Variants in NLGN1 observed in about 807,000 individuals in gnomAD.
The protein encoded by NLGN1 is neuroligin 1.
A neutral mutation model predicts 65.5 loss-of-function variants in NLGN1; 12 were observed. The ratio of observed to expected loss-of-function variants is 0.18; its 90% confidence interval spans 0.12 to 0.30. The LOEUF is 0.30. Ranked by LOEUF, NLGN1 falls within the 10% of genes least tolerant of loss-of-function variation. NLGN1 has a pLI of 1.00. For synonymous variants in NLGN1, 350 were observed against 359.5 expected (o/e 0.97, Z 0.30); for missense variants, 750 against 1,007.1 (o/e 0.74, Z 3.46).
rs202194298 is a variant in NLGN1 at position 174,205,366 on chromosome 3, T to TA, written c.647-69948dup. Among the ~76,000 whole-genome samples the TA allele has an allele frequency of 7.2e-3, 1,103 of 152,142 alleles. 14 individuals carry two copies. The highest frequency in any genetic ancestry group is 0.024 in the African/African-American group (992 of 41,560). Reference sequence around the variant, plus strand: ...TGTTTAGATTTGCATTACTCACTCTTACTTCAGCACCTCTTCTACACTTAG... The same window carrying TA: ...TGTTTAGATTTGCATTACTCACTCTTAACTTCAGCACCTCTTCTACACTTAG... On this transcript the variant is annotated intron_variant, in intron 4 of 6. Transcript: ENST00000457714.
chr3:173,525,230 T>TTTG (rs34726754), intron 2 of NLGN1, among the ~76,000 whole-genome samples: 7,139 of 150,302 alleles, frequency 0.047, 513 homozygotes, highest in African/African-American at 0.16. Context: ...GGGTGGGTTT[T>TTTG]TTGTTGTTGT....
intron 4 of NLGN1, among the ~76,000 whole-genome samples, chr3:173,831,895 T>C (rs139085039): frequency 1.7e-4 from 26 of 152,276 alleles, no homozygotes; most frequent in African/African-American, 6.3e-4. Flanking sequence ...ACTTTAGAGA[T>C]TGAGTAAACA....
intron 2 of NLGN1, among the ~76,000 whole-genome samples, chr3:173,458,534 CA>C (rs969965734): frequency 5.9e-5 from 9 of 151,858 alleles, no homozygotes; most frequent in African/African-American, 2.2e-4. Flanking sequence ...CCAAACAAAC[CA>C]AAAATCCTAC....
chr3:173,400,901 A>G (rs1020099085), intron 1 of NLGN1, among the ~76,000 whole-genome samples: 4 of 152,228 alleles, frequency 2.6e-5, no homozygotes, highest in African/African-American at 9.6e-5. Context: ...GGATTAAGCA[A>G]ATAAAGCTTT....
intron 4 of NLGN1, among the ~76,000 whole-genome samples, chr3:173,856,950 C>G (rs915008202): frequency 6.6e-6 from 1 of 151,632 alleles, no homozygotes; most frequent in Non-Finnish European, 1.5e-5. Flanking sequence ...CAACAGTGCC[C>G]TGGCTCCTGG....
intron 4 of NLGN1, among the ~76,000 whole-genome samples, chr3:173,994,688 G>A (rs900683886): frequency 6.6e-6 from 1 of 152,038 alleles, no homozygotes; most frequent in African/African-American, 2.4e-5. Context: ...CTCTCTACTA[G>A]CGTCTAATTT....
At chr3:173,825,673 G>GAT (rs1172352585) in intron 4 of NLGN1, among the ~76,000 whole-genome samples, 1 of 151,996 alleles carries the variant, frequency 6.6e-6, no homozygotes, top group African/African-American at 2.4e-5. Context: ...TTCCACTAAT[G>GAT]AGAATTACAT....
chr3:173,861,139 A>G (rs934284853), intron 4 of NLGN1, among the ~76,000 whole-genome samples: 1 of 152,206 alleles, frequency 6.6e-6, no homozygotes, highest in Non-Finnish European at 1.5e-5. Flanking sequence ...AGACTTTATC[A>G]TATTTCAAAA....
rs1190550377 is a variant in NLGN1, at chr3:173,885,025, G to A, written c.646+77193G>A. ...GCCCACTCTTATGACTTAATCACCT[G>A]CTAAAGTCCCCACCTTTGAATAGTA... On this transcript the variant is annotated intron_variant, in intron 4 of 6. Transcript: ENST00000457714. Among the ~76,000 whole-genome samples, 53 of 152,068 alleles carry A rather than the reference G, an allele frequency of 3.5e-4. 1 individual carries two copies. Among genetic ancestry groups the A allele is most frequent in the Admixed American group, 3.5e-3 (53 of 15,264 alleles).
chr3:174,239,150 C>G (rs1742326071), intron 4 of NLGN1, among the ~76,000 whole-genome samples: 1 of 151,922 alleles, frequency 6.6e-6, no homozygotes, highest in African/African-American at 2.4e-5. Flanking sequence ...CTCACTGCAA[C>G]CTCCGCCTCC....
chr3:173,412,724 C>A (rs1577333774), intron 1 of NLGN1, among the ~76,000 whole-genome samples: 1 of 152,070 alleles, frequency 6.6e-6, no homozygotes, highest in South Asian at 2.1e-4. Flanking sequence ...TGAACAACCA[C>A]AAAAAAAGCC....
intron 4 of NLGN1, among the ~76,000 whole-genome samples, chr3:173,921,776 C>T (rs1056552019): frequency 8.5e-5 from 13 of 152,128 alleles, no homozygotes; most frequent in Admixed American, 5.2e-4. Flanking sequence ...TTTGAAAATA[C>T]GGTTATCAGA....
At chr3:173,930,937 CT>C (rs1001667272) in intron 4 of NLGN1, among the ~76,000 whole-genome samples, 2 of 152,144 alleles carry the variant, frequency 1.3e-5, no homozygotes, top group Non-Finnish European at 1.5e-5. Flanking sequence ...GAAAATAGTA[CT>C]ACCTCCTCAC....
At chr3:174,143,955 T>C (rs993730730) in intron 4 of NLGN1, among the ~76,000 whole-genome samples, 1 of 152,172 alleles carries the variant, frequency 6.6e-6, no homozygotes, top group South Asian at 2.1e-4. Context: ...CTGGGATACA[T>C]GTACAGAGCA....
chr3:173,835,816 A>G (rs1358382667), intron 4 of NLGN1, among the ~76,000 whole-genome samples: 1 of 152,134 alleles, frequency 6.6e-6, no homozygotes, highest in Non-Finnish European at 1.5e-5. Flanking sequence ...GAATCTTGAG[A>G]ATGAGAAATT....
intron 4 of NLGN1, among the ~76,000 whole-genome samples, chr3:173,994,725 A>G (rs1292638707): frequency 1.3e-5 from 2 of 152,230 alleles, no homozygotes; most frequent in Non-Finnish European, 2.9e-5. Context: ...AACTGAGCAC[A>G]TGTGCTTTGG....
chr3:173,985,971 AAAAG>A (rs1290026167), intron 4 of NLGN1, among the ~76,000 whole-genome samples: 2 of 151,964 alleles, frequency 1.3e-5, no homozygotes, highest in African/African-American at 4.8e-5. Context: ...CAATTTAAAA[AAAAG>A]AAAGAAACTA....
chr3:173,441,823 G>A (rs1315190409), intron 2 of NLGN1, among the ~76,000 whole-genome samples: 1 of 152,142 alleles, frequency 6.6e-6, no homozygotes, highest in Non-Finnish European at 1.5e-5. Context: ...CTTCCAATTT[G>A]TGAAAAATAC....
chr3:174,135,325 G>A (rs572710788), intron 4 of NLGN1, among the ~76,000 whole-genome samples: 3 of 152,192 alleles, frequency 2.0e-5, no homozygotes, highest in South Asian at 2.1e-4. Context: ...TAGAACATAC[G>A]ATAGAATTGT....
Sources: allele counts gnomAD v4.1 joint callset (sites outside exome capture counted in the v4.1 genomes callset), GRCh38; gene constraint gnomAD v4.1.1; transcripts MANE v1.5; gene names NCBI Gene and HGNC (gene_info 2026-07-23, HGNC 2026-07-21).